The following ST6GAL1 variants were observed in gnomAD, a reference collection of about 807,000 sequenced individuals.
The protein encoded by ST6GAL1 is ST6 beta-galactoside alpha-2,6-sialyltransferase 1.
Under a neutral mutation model 38.0 loss-of-function variants are expected in ST6GAL1, and 20 were observed. The observed-to-expected ratio is 0.53, with a 90% CI of 0.37 to 0.77. ST6GAL1 has a LOEUF of 0.77. Among genes scored for constraint, ST6GAL1 ranks in the 30% least tolerant of loss-of-function variants. The pLI, the probability that ST6GAL1 is intolerant of heterozygous loss-of-function variation, is 0.00. For synonymous variants in ST6GAL1, 196 were observed against 188.2 expected, an observed-to-expected ratio of 1.04 and a Z score of -0.34; for missense variants, 432 against 496.4, an observed-to-expected ratio of 0.87 and a Z score of 1.23.
intron 4 of ST6GAL1, among the ~76,000 whole-genome samples, chr3:187,050,544 G>GAGAGAGAGAGAT (rs1553833080): frequency 6.9e-6 from 1 of 145,832 alleles, no homozygotes; most frequent in Non-Finnish European, 1.5e-5. Context: ...AAGAGAGAGA[G>GAGAGAGAGAGAT]AGAGAGAGAG....
intron 1 of ST6GAL1, among the ~76,000 whole-genome samples, chr3:186,936,026 A>G (rs58958031): frequency 0.015 from 2,304 of 152,266 alleles, 49 homozygotes; most frequent in African/African-American, 0.049. Flanking sequence ...TGGGATTACA[A>G]AGAGCATGGA....
At chr3:186,984,566 C>T (rs371996528) in intron 2 of ST6GAL1, among the ~76,000 whole-genome samples, 1 of 152,118 alleles carries the variant, frequency 6.6e-6, no homozygotes, top group African/African-American at 2.4e-5. Context: ...TTGCCGCAAA[C>T]ACGCTTCCCC....
Position 186,977,452 on chromosome 3 carries a change from A to G in ST6GAL1, c.-183+13526A>G, listed in dbSNP as rs6792478. ...CCAGAGTTTGCGGAAGAAGGCCTGT[A>G]TTATTAATGCCCTTGCCGGGAACAG... is the stretch of plus-strand genomic sequence containing the variant. On this transcript the variant is annotated intron_variant, in intron 2 of 7. Transcript: ENST00000169298. Among the ~76,000 whole-genome samples the G allele has an allele frequency of 6.8e-3, 1,038 of 152,264 alleles. 18 individuals carry two copies. The highest frequency in any genetic ancestry group is 0.024 in the African/African-American group (978 of 41,550).
intron 5 of ST6GAL1, among the ~76,000 whole-genome samples, chr3:187,061,360 C>T (rs553510391): frequency 7.9e-5 from 12 of 152,030 alleles, no homozygotes; most frequent in African/African-American, 2.7e-4. Context: ...TCTTTTTTTG[C>T]AGAAATAGAA....
intron 2 of ST6GAL1, among the ~76,000 whole-genome samples, chr3:187,003,426 GC>G (rs1425518985): frequency 6.6e-6 from 1 of 152,178 alleles, no homozygotes; most frequent in Non-Finnish European, 1.5e-5. Context: ...GTACTCTGTG[GC>G]GCAGTCCAGT....
chr3:187,022,972 G>A (rs924161467), intron 2 of ST6GAL1, among the ~76,000 whole-genome samples: 2 of 152,140 alleles, frequency 1.3e-5, no homozygotes, highest in Admixed American at 1.3e-4. Context: ...GGTCTGTTTG[G>A]TCAGTCTTAT....
intron 1 of ST6GAL1, among the ~76,000 whole-genome samples, chr3:186,937,318 A>G (rs529582204): frequency 3.9e-4 from 59 of 152,308 alleles, no homozygotes; most frequent in Non-Finnish European, 7.1e-4. Flanking sequence ...GGAGCCTCCA[A>G]CTGCCTCTGC....
At chr3:186,959,153 C>T (rs1453505065) in intron 1 of ST6GAL1, among the ~76,000 whole-genome samples, 1 of 152,128 alleles carries the variant, frequency 6.6e-6, no homozygotes, top group Non-Finnish European at 1.5e-5. Context: ...GGAAATTTTG[C>T]ATATGGCAAT....
intron 2 of ST6GAL1, among the ~76,000 whole-genome samples, chr3:187,013,813 G>A (rs1030004511): frequency 1.3e-5 from 2 of 152,230 alleles, no homozygotes; most frequent in African/African-American, 4.8e-5. Flanking sequence ...TCTGACTCCC[G>A]ACCTCAGGTG....
chr3:187,030,837 G>C (rs1473593543), intron 2 of ST6GAL1, among the ~76,000 whole-genome samples: 2 of 152,210 alleles, frequency 1.3e-5, no homozygotes, highest in Non-Finnish European at 2.9e-5. Context: ...TGGGGCGGTA[G>C]TAAATTCCCT....
chr3:187,029,964 T>C (rs1717679920), intron 2 of ST6GAL1, among the ~76,000 whole-genome samples: 2 of 152,020 alleles, frequency 1.3e-5, no homozygotes, highest in African/African-American at 4.8e-5. Flanking sequence ...TAATTGGAGA[T>C]GGGATGCCTG....
chr3:187,014,888 T>A (rs1344770796), intron 2 of ST6GAL1, among the ~76,000 whole-genome samples: 3 of 152,176 alleles, frequency 2.0e-5, no homozygotes, highest in African/African-American at 7.2e-5. Context: ...GCTTGACACA[T>A]GACAAAATCA....
At chr3:186,992,475 T>C (rs1716205938) in intron 2 of ST6GAL1, among the ~76,000 whole-genome samples, 1 of 152,002 alleles carries the variant, frequency 6.6e-6, no homozygotes, top group African/African-American at 2.4e-5. Context: ...AATACAATCA[T>C]GACCTTAAAA....
At chr3:187,064,403 T>A (rs989442931) in intron 5 of ST6GAL1, 1 of 413,626 alleles carries the variant, frequency 2.4e-6, no homozygotes. Context: ...TTGCCTACAA[T>A]TCACAAAGGG....
At chr3:186,997,243 G>A (rs1188389682) in intron 2 of ST6GAL1, among the ~76,000 whole-genome samples, 4 of 152,208 alleles carry the variant, frequency 2.6e-5, no homozygotes, top group South Asian at 4.2e-4. Context: ...ACTGTCATAC[G>A]TGTTATCTCA....
intron 2 of ST6GAL1, among the ~76,000 whole-genome samples, chr3:186,982,712 G>A (rs1320583311): frequency 2.0e-5 from 3 of 151,762 alleles, no homozygotes; most frequent in East Asian, 2.0e-4. Context: ...AAGGAGTTTC[G>A]CTCTTGTTGC....
chr3:186,969,360 T>C (rs1715265381), intron 2 of ST6GAL1, among the ~76,000 whole-genome samples: 1 of 152,186 alleles, frequency 6.6e-6, no homozygotes, highest in African/African-American at 2.4e-5. Context: ...GCCCATCTTT[T>C]TCATTTTAAT....
intron 2 of ST6GAL1, among the ~76,000 whole-genome samples, chr3:187,018,958 C>T (rs115642179): frequency 0.017 from 2,539 of 152,262 alleles, 67 homozygotes; most frequent in African/African-American, 0.057. Flanking sequence ...CCACGGCAAA[C>T]CTGCGCAGCC....
chr3:187,041,900 T>C (rs1718134551), intron 3 of ST6GAL1: 1 of 152,232 alleles, frequency 6.6e-6, no homozygotes, highest in Non-Finnish European at 1.5e-5. Flanking sequence ...AATGAATTTT[T>C]GTTTCCATTT....
Sources: gnomAD v4.1 joint callset for allele counts (sites outside exome capture counted in the v4.1 genomes callset) on GRCh38, gnomAD v4.1.1 for gene constraint, MANE v1.5 for transcripts, NCBI Gene and HGNC (gene_info 2026-07-23, HGNC 2026-07-21) for gene names.